Variants in MECOM observed in about 807,000 individuals in gnomAD.
MECOM encodes the protein MDS1 and EVI1 complex locus.
In MECOM, 13 loss-of-function variants were observed where a neutral mutation model predicts 116.3. The ratio of observed to expected loss-of-function variants is 0.11; its 90% confidence interval spans 0.07 to 0.18. The LOEUF is 0.18. Ranked by LOEUF, MECOM falls within the 10% of genes least tolerant of loss-of-function variation. The pLI, the probability that MECOM is intolerant of heterozygous loss-of-function variation, is 1.00. For synonymous variants in MECOM, 528 were observed against 535.2 expected (o/e 0.99, Z 0.19); for missense variants, 1,299 against 1,509.0 (o/e 0.86, Z 2.31).
chr3:169,113,712 A>G (rs1039261200), intron 8 of MECOM, among the ~76,000 whole-genome samples: 6 of 152,138 alleles, frequency 3.9e-5, no homozygotes, highest in African/African-American at 1.4e-4. Flanking sequence ...AATTAAAAAA[A>G]CTTTTAGATA....
At chr3:169,326,882 A>C (rs567539406) in intron 2 of MECOM, among the ~76,000 whole-genome samples, 15 of 152,340 alleles carry the variant, frequency 9.8e-5, no homozygotes, top group Non-Finnish European at 2.1e-4. Context: ...GGTTCAAGTC[A>C]TTGTAAAGGA....
At chr3:169,155,061 A>T (rs1741743051) in intron 2 of MECOM, among the ~76,000 whole-genome samples, 1 of 152,182 alleles carries the variant, frequency 6.6e-6, no homozygotes, top group East Asian at 1.9e-4. Flanking sequence ...GTTCCTACTG[A>T]TATCTTCAAT....
chr3:169,590,907 G>A (rs1309561995), intron 1 of MECOM, among the ~76,000 whole-genome samples: 1 of 152,206 alleles, frequency 6.6e-6, no homozygotes, highest in Admixed American at 6.5e-5. Flanking sequence ...TACCAGCACA[G>A]CATAATGCAA....
At chr3:169,211,344 A>G (rs942135036) in intron 2 of MECOM, among the ~76,000 whole-genome samples, 9 of 152,110 alleles carry the variant, frequency 5.9e-5, no homozygotes, top group African/African-American at 1.4e-4. Flanking sequence ...AATTAAACAC[A>G]CAAACAAAAA....
chr3:169,652,922 A>G (rs529386992), intron 1 of MECOM, among the ~76,000 whole-genome samples: 21 of 152,324 alleles, frequency 1.4e-4, no homozygotes, highest in African/African-American at 4.8e-4. Flanking sequence ...GAATTACATG[A>G]GTCCACAGAA....
chr3:169,562,944 A>T (rs1257424172), intron 1 of MECOM, among the ~76,000 whole-genome samples: 1 of 151,674 alleles, frequency 6.6e-6, no homozygotes, highest in Non-Finnish European at 1.5e-5. Flanking sequence ...GGCACCTATA[A>T]TCCCAGCTAC....
chr3:169,194,895 T>C (rs1052170665), intron 2 of MECOM, among the ~76,000 whole-genome samples: 4 of 151,860 alleles, frequency 2.6e-5, no homozygotes, highest in Non-Finnish European at 5.9e-5. Flanking sequence ...CATTTGAGAG[T>C]GCAAATAAGC....
chr3:169,536,121 G>A (rs1759316422), intron 1 of MECOM, among the ~76,000 whole-genome samples: 1 of 152,096 alleles, frequency 6.6e-6, no homozygotes, highest in African/African-American at 2.4e-5. Context: ...ACCTTGTTCT[G>A]TGCCTTGCCT....
chr3:169,518,847 G>T (rs187365422), intron 1 of MECOM, among the ~76,000 whole-genome samples: 228 of 150,890 alleles, frequency 1.5e-3, no homozygotes, highest in African/African-American at 5.4e-3. Flanking sequence ...AAAAATGGGA[G>T]CTTCCCTGCA....
intron 2 of MECOM, among the ~76,000 whole-genome samples, chr3:169,182,450 C>T (rs1044915812): frequency 1.1e-4 from 17 of 152,286 alleles, no homozygotes; most frequent in African/African-American, 3.8e-4. Flanking sequence ...TTTGAAAAAA[C>T]AGTAGAGATC....
chr3:169,146,346 T>G (rs1362909443), intron 2 of MECOM: 11 of 1,331,560 alleles, frequency 8.3e-6, no homozygotes, highest in African/African-American at 3.0e-5. Flanking sequence ...GCGTGGCCAG[T>G]GCCAGGAATT....
At chr3:169,663,311 A>G (rs377119221) in intron 1 of MECOM, 25 bp downstream of exon 1, 1 of 1,601,810 alleles carries the variant, frequency 6.2e-7, no homozygotes, top group African/African-American at 1.3e-5. Context: ...GGGAAAAGCC[A>G]ATAGAAAAGG....
intron 1 of MECOM, among the ~76,000 whole-genome samples, chr3:169,652,084 C>T (rs1022985601): frequency 1.3e-5 from 2 of 151,782 alleles, no homozygotes; most frequent in African/African-American, 4.8e-5. Context: ...TAAGGTGAAT[C>T]AAGTCTGAAA....
chr3:169,324,702 G>A (rs1688798928), intron 2 of MECOM, among the ~76,000 whole-genome samples: 2 of 152,156 alleles, frequency 1.3e-5, no homozygotes, highest in East Asian at 3.9e-4. Flanking sequence ...TCTCATTACT[G>A]AGCATAACAG....
chr3:169,592,217 A>G (rs1304885780), intron 1 of MECOM, among the ~76,000 whole-genome samples: 1 of 152,238 alleles, frequency 6.6e-6, no homozygotes, highest in Non-Finnish European at 1.5e-5. Flanking sequence ...TAAAAATTCC[A>G]GGGTGTCTGC....
chr3:169,646,908 C>G (rs958657120), intron 1 of MECOM, among the ~76,000 whole-genome samples: 11 of 152,094 alleles, frequency 7.2e-5, no homozygotes, highest in Admixed American at 7.2e-4. Flanking sequence ...AATAGAAAAT[C>G]ACAATGCAGA....
chr3:169,575,387 T>C (rs1560451021), intron 1 of MECOM, among the ~76,000 whole-genome samples: 1 of 152,166 alleles, frequency 6.6e-6, no homozygotes, highest in Admixed American at 6.5e-5. Flanking sequence ...AACTCTACCC[T>C]GGGGGACTGA....
intron 1 of MECOM, among the ~76,000 whole-genome samples, chr3:169,416,298 G>A (rs1738581205): frequency 6.6e-6 from 1 of 152,194 alleles, no homozygotes; most frequent in Admixed American, 6.5e-5. Context: ...TGAAATTAAG[G>A]CAGAAATAAA....
At chr3:169,286,630 T>C (rs77553568) in intron 2 of MECOM, among the ~76,000 whole-genome samples, 3,731 of 152,298 alleles carry the variant, frequency 0.024, 104 homozygotes, top group East Asian at 0.13. Context: ...TTGCCATTTT[T>C]ATGTCCACCA....
Sources: allele counts gnomAD v4.1 joint callset (sites outside exome capture counted in the v4.1 genomes callset), GRCh38; gene constraint gnomAD v4.1.1; transcripts MANE v1.5; gene names NCBI Gene and HGNC (gene_info 2026-07-23, HGNC 2026-07-21).